The following PLCB4 variants were observed in gnomAD, a reference collection of about 807,000 sequenced individuals.
PLCB4 encodes 1-phosphatidylinositol 4,5-bisphosphate phosphodiesterase beta-4.
In PLCB4, 77 loss-of-function variants were observed where a neutral mutation model predicts 178.8. The observed-to-expected ratio is 0.43, with a 90% confidence interval of 0.36 to 0.52. The LOEUF (loss-of-function observed/expected upper bound fraction) is 0.52. PLCB4 is among the 20% of genes least tolerant of loss of function. PLCB4 has a pLI of 0.00. For synonymous variants in PLCB4, 496 were observed against 490.8 expected (o/e 1.01, Z -0.14); for missense variants, 1,024 against 1,453.4 (o/e 0.70, Z 4.80).
chr20:9,392,380 T>G lies in PLCB4; in HGVS notation c.1324-1208T>G, dbSNP rs184295587. The stretch of plus-strand genomic sequence containing the variant: ...CCCTCTAGAGGTTTCCATTGGTTAC[T>G]TGGTGTCCGGTCTATGTAAATGAAT... On this transcript the variant is annotated intron_variant, in intron 17 of 39. Coordinates refer to ENST00000378473, the MANE Select transcript of PLCB4 (RefSeq NM_001377142.1). Among the ~76,000 whole-genome samples, 185 of 152,322 alleles carry G rather than the reference T, an allele frequency of 1.2e-3. 1 individual carries two copies. The highest frequency in any genetic ancestry group is 4.2e-3 in the African/African-American group (176 of 41,570).
intron 29 of PLCB4, among the ~76,000 whole-genome samples, chr20:9,436,191 A>G (rs1026679340): frequency 5.9e-5 from 9 of 152,188 alleles, no homozygotes; most frequent in African/African-American, 1.9e-4. Flanking sequence ...ATACCTCATT[A>G]TGTATATGTA....
At chr20:9,472,996 A>G (rs1366659328) in intron 37 of PLCB4, 149 bp downstream of exon 37, 1 of 576,836 alleles carries the variant, frequency 1.7e-6, no homozygotes, top group Non-Finnish European at 3.0e-6. Flanking sequence ...AAGCTAAAAT[A>G]ATGTCTCACT....
At chr20:9,248,309 C>T (rs1289082267) in intron 3 of PLCB4, among the ~76,000 whole-genome samples, 4 of 152,094 alleles carry the variant, frequency 2.6e-5, no homozygotes, top group African/African-American at 9.7e-5. Flanking sequence ...TTGATCTTTG[C>T]ATTTTTCTGT....
intron 3 of PLCB4, among the ~76,000 whole-genome samples, chr20:9,292,267 A>C (rs11905700): frequency 6.6e-6 from 1 of 152,200 alleles, no homozygotes; most frequent in Admixed American, 6.5e-5. Flanking sequence ...TCAGGCTTCT[A>C]AAAAGAGATT....
At chr20:9,385,111 G>A (rs767687625) in intron 14 of PLCB4, among the ~76,000 whole-genome samples, 4 of 152,128 alleles carry the variant, frequency 2.6e-5, no homozygotes, top group Non-Finnish European at 5.9e-5. Flanking sequence ...GTTTCAGAGA[G>A]CACGGGGTTG....
intron 4 of PLCB4, among the ~76,000 whole-genome samples, chr20:9,330,092 TG>T (rs2031407497): frequency 6.6e-6 from 1 of 152,160 alleles, no homozygotes; most frequent in African/African-American, 2.4e-5. Flanking sequence ...AGCATTTCCC[TG>T]GAATAAGGAG....
In PLCB4 at chr20:9,278,037, A is replaced by C. The variant is rs151170392; in HGVS notation, c.-15-29763A>C. Reference sequence around the variant, plus strand: ...TGTATTCAATTAAATCTCACAAGCCACCCAGAGTGAATGTTTTCATGTTGC... The same window carrying C: ...TGTATTCAATTAAATCTCACAAGCCCCCCAGAGTGAATGTTTTCATGTTGC... On this transcript the variant is annotated intron_variant, in intron 3 of 39. Coordinates refer to ENST00000378473, the MANE Select transcript of PLCB4 (RefSeq NM_001377142.1). 6.9e-4 allele frequency among the ~76,000 whole-genome samples: 105 copies of C among 152,136 alleles called. No homozygotes were observed. In the East Asian group the frequency reaches 0.02, roughly 28 times the overall value.
rs377319237 is a variant in PLCB4, at chr20:9,098,160, C to T, written c.-79+1818C>T. 2.3e-4 allele frequency among the ~76,000 whole-genome samples: 35 copies of T among 151,890 alleles called. 1 individual carries two copies. The East Asian group carries it at 5.2e-3, about 23-fold the overall frequency. ...TTTATTTAAATGTTGGCTTCAAAGA[C>T]GATATAGAGAAACATGAGTTAATCA... On this transcript the variant is annotated intron_variant, in intron 2 of 39. Transcript: ENST00000378473.
intron 2 of PLCB4, among the ~76,000 whole-genome samples, chr20:9,140,970 G>T (rs780230932): frequency 1.6e-4 from 25 of 152,088 alleles, no homozygotes; most frequent in Admixed American, 3.3e-4. Flanking sequence ...GGGAATATAA[G>T]GACATAGTTT....
intron 6 of PLCB4, among the ~76,000 whole-genome samples, chr20:9,338,289 G>A (rs1166921405): frequency 6.6e-6 from 1 of 152,140 alleles, no homozygotes; most frequent in Non-Finnish European, 1.5e-5. Context: ...TTGTGGACAA[G>A]CAGACCCTAA....
intron 35 of PLCB4, among the ~76,000 whole-genome samples, chr20:9,466,449 A>G (rs1337671278): frequency 1.3e-5 from 2 of 152,230 alleles, no homozygotes; most frequent in African/African-American, 4.8e-5. Flanking sequence ...TAATTAAACT[A>G]AAGAGCTTCT....
At chr20:9,379,970 G>C (rs1462234839) in intron 12 of PLCB4, 84 bp from the exon 13 acceptor site, 1 of 664,350 alleles carries the variant, frequency 1.5e-6, no homozygotes, top group African/African-American at 1.9e-5. Context: ...GATATATTTT[G>C]TTTTATAAAT....
At chr20:9,234,736 T>G (rs2093974182) in intron 3 of PLCB4, among the ~76,000 whole-genome samples, 1 of 152,066 alleles carries the variant, frequency 6.6e-6, no homozygotes, top group Non-Finnish European at 1.5e-5. Flanking sequence ...TTGACACTTG[T>G]AAGATGTTGG....
chr20:9,339,256 G>A (rs906620558), intron 7 of PLCB4, among the ~76,000 whole-genome samples: 75 of 152,232 alleles, frequency 4.9e-4, no homozygotes, highest in Non-Finnish European at 7.5e-4. Flanking sequence ...ACGATATGTT[G>A]TAGGGATACT....
At chr20:9,457,006 TA>T (rs1437495167) in intron 33 of PLCB4, among the ~76,000 whole-genome samples, 1 of 152,204 alleles carries the variant, frequency 6.6e-6, no homozygotes, top group Admixed American at 6.5e-5. Flanking sequence ...CTGGCATATT[TA>T]AAAGACAAAA....
rs113370560 is a variant in PLCB4 at position 9,171,824 on chromosome 20, A to G, written c.-78-45566A>G. Among the ~76,000 whole-genome samples, 687 of 152,254 alleles carry G rather than the reference A, an allele frequency of 4.5e-3. 4 individuals carry two copies. Among genetic ancestry groups the G allele is most frequent in the African/African-American group, 0.013 (561 of 41,562 alleles). On this transcript the variant is annotated intron_variant, in intron 2 of 39. Transcript: ENST00000378473. ...TGTAAGTGGAGAATTGTGGGAAATA[A>G]TGACTATTTCCCCCCTCCTCATAAT...
At chr20:9,433,109 T>C (rs998030689) in intron 28 of PLCB4, among the ~76,000 whole-genome samples, 2 of 152,078 alleles carry the variant, frequency 1.3e-5, no homozygotes, top group African/African-American at 4.8e-5. Context: ...ATCACCGAAT[T>C]GCTGTGAAGA....
At chr20:9,473,426 C>A in intron 38 of PLCB4, 61 bp downstream of exon 38, 2 of 907,174 alleles carry the variant, frequency 2.2e-6, no homozygotes, top group Non-Finnish European at 3.6e-6. Flanking sequence ...GATACACATG[C>A]CATGGCCCAC....
At chr20:9,253,180 GGGTGA>G (rs2094198831) in intron 3 of PLCB4, among the ~76,000 whole-genome samples, 1 of 152,136 alleles carries the variant, frequency 6.6e-6, no homozygotes, top group African/African-American at 2.4e-5. Context: ...AGAAGCTCTC[GGGTGA>G]GTAACCAACT....
Sources: gnomAD v4.1 joint callset for allele counts (sites outside exome capture counted in the v4.1 genomes callset) on GRCh38, gnomAD v4.1.1 for gene constraint, MANE v1.5 for transcripts, NCBI Gene and HGNC (gene_info 2026-07-23, HGNC 2026-07-21) for gene names.